RIF1: variants seen among roughly 807,000 people sequenced by gnomAD.
RIF1 encodes the protein telomere-associated protein RIF1.
A neutral mutation model predicts 247.1 loss-of-function variants in RIF1; 45 were observed. That is an observed-to-expected ratio of 0.18 (90% CI 0.14 to 0.23). The LOEUF is 0.23. Among genes scored for constraint, RIF1 ranks in the 10% least tolerant of loss-of-function variants. The probability of loss-of-function intolerance (pLI) is 1.00; values close to 1 mark genes in which losing one functional copy is unlikely to be tolerated. For missense variants in RIF1, 2,967 were observed against 2,862.5 expected, an observed-to-expected ratio of 1.04 and a Z score of -0.83; for synonymous variants, 1,087 against 978.8, an observed-to-expected ratio of 1.11 and a Z score of -2.06.
chr2:151,435,414 CTG>C (rs758446526), intron 10 of RIF1, 47 bp from the exon 11 acceptor site: 8 of 1,027,324 alleles, frequency 7.8e-6, no homozygotes, highest in Middle Eastern at 2.1e-4. Context: ...CTTTTAAAAA[CTG>C]TGACAGTTGT....
chr2:151,418,069 G>A (rs932347364), intron 6 of RIF1, among the ~76,000 whole-genome samples: 2 of 152,198 alleles, frequency 1.3e-5, no homozygotes, highest in African/African-American at 4.8e-5. Context: ...GGTTCTTTGG[G>A]TGAGTCAGTG....
intron 7 of RIF1, among the ~76,000 whole-genome samples, chr2:151,421,477 T>C (rs1210821121): frequency 6.6e-6 from 1 of 151,950 alleles, no homozygotes; most frequent in Non-Finnish European, 1.5e-5. Context: ...TGAATGAGAG[T>C]GAGAGGAAAA....
chr2:151,505,246 T>A (rs1234280771), intron 12 of RIF1, among the ~76,000 whole-genome samples: 1 of 152,204 alleles, frequency 6.6e-6, no homozygotes, highest in East Asian at 1.9e-4. Flanking sequence ...GAGCTTCAAG[T>A]CAGTGACAGG....
At position 151,490,086 on chromosome 2, in the gene RIF1, AAG is replaced by A. The variant is rs1553519312; in HGVS notation, c.*416-5142_*416-5141del. ...TTTTGCATGTTTGTAAGCTGAAAAA[AAG>A]GGGGCAAATTCTTTATAAGAAGAAA... is the stretch of plus-strand genomic sequence containing the variant. On this transcript the variant is annotated intron_variant and NMD_transcript_variant, in intron 9 of 13. Transcript: ENST00000454583. The A allele has an allele frequency of 3.1e-6, 5 of 1,590,290 alleles. No homozygotes were observed. The highest frequency in any genetic ancestry group is 4.3e-6 in the Non-Finnish European group (5 of 1,163,858).
downstream of RIF1, among the ~76,000 whole-genome samples, chr2:151,486,117 A>T (rs145806704): frequency 3.3e-5 from 5 of 152,348 alleles, no homozygotes; most frequent in African/African-American, 1.2e-4. Flanking sequence ...CATGTATCTG[A>T]TAGGCAATTA....
intron 1 of RIF1, 95 bp from the exon 2 acceptor site, chr2:151,410,319 G>A: frequency 2.2e-6 from 2 of 917,936 alleles, no homozygotes; most frequent in Non-Finnish European, 3.4e-6. Flanking sequence ...AGGCCCGGGC[G>A]GGCGTGCGGG....
the RIF1 span, chr2:151,514,709 G>GA: frequency 1.3e-4 from 106 of 804,660 alleles, no homozygotes; most frequent in Admixed American, 3.9e-4. Flanking sequence ...AACCCAATTT[G>GA]AAACCCACAG....
intron 11 of RIF1, among the ~76,000 whole-genome samples, chr2:151,500,386 T>C (rs2153044692): frequency 6.6e-6 from 1 of 151,908 alleles, no homozygotes; most frequent in Admixed American, 6.6e-5. Context: ...TAAGTGAACC[T>C]AAGGTCTTGA....
intron 34 of RIF1, among the ~76,000 whole-genome samples, chr2:151,470,076 G>A (rs936558455): frequency 1.3e-4 from 19 of 151,850 alleles, no homozygotes; most frequent in African/African-American, 3.6e-4. Flanking sequence ...CCACCATTCG[G>A]TATTTGATTC....
At chr2:151,410,548 T>G in intron 2 of RIF1, 21 bp downstream of exon 2, 2 of 1,593,234 alleles carry the variant, frequency 1.3e-6, no homozygotes, top group Non-Finnish European at 1.7e-6. Flanking sequence ...CCACGGGGCG[T>G]AGCGGAGAGT....
the RIF1 span, chr2:151,530,884 A>G: frequency 2.8e-5 from 19 of 669,598 alleles, no homozygotes; most frequent in South Asian, 2.1e-5. Flanking sequence ...TTAAGCCACT[A>G]AGTTTTAGGG....
the RIF1 span, among the ~76,000 whole-genome samples, chr2:151,518,601 C>T: frequency 7.9e-5 from 12 of 152,188 alleles, no homozygotes; most frequent in Non-Finnish European, 1.2e-4. Flanking sequence ...CAGTATTGTC[C>T]GTTAAGATGT....
At chr2:151,493,884 C>G in intron 9 of RIF1, 1 of 1,480,184 alleles carries the variant, frequency 6.8e-7, no homozygotes, top group Non-Finnish European at 9.1e-7. Context: ...GATACAAAGT[C>G]ATGCCCGAAA....
intron 34 of RIF1, among the ~76,000 whole-genome samples, chr2:151,472,235 T>A (rs141252571): frequency 0.019 from 2,825 of 152,320 alleles, 40 homozygotes; most frequent in Non-Finnish European, 0.028. Flanking sequence ...CCTGAGACTT[T>A]GCTGAAGTTG....
At chr2:151,487,217 G>A (rs1452139092) in intron 9 of RIF1, among the ~76,000 whole-genome samples, 1 of 152,152 alleles carries the variant, frequency 6.6e-6, no homozygotes, top group Non-Finnish European at 1.5e-5. Flanking sequence ...GGGAATTTGG[G>A]AGCATACGAG....
the RIF1 span, chr2:151,516,463 C>T: frequency 1.2e-6 from 2 of 1,607,882 alleles, no homozygotes; most frequent in Admixed American, 1.7e-5. Context: ...ACTTACCCCA[C>T]TCTGCATCTG....
rs1328306274 is a variant in RIF1 at position 151,411,320 on chromosome 2, G to T, written c.165G>T (p.Arg55=). The change falls in exon 3 of 36, where the codon CGG becomes CGT. Residue 55 remains arginine (R), a synonymous_variant. Coordinates refer to ENST00000444746, the MANE Select transcript of RIF1 (RefSeq NM_018151.5). ...CAGAAATTGAGAAAAAACTTCCTCG[G>T]CTGTACAAAGTTTTAAAGGTATGTA... ...VITEIEKKLP[R]LYKVLKTHIS... is the part of the protein sequence containing the mutation. 1 of 1,595,006 alleles carries T rather than the reference G, an allele frequency of 6.3e-7. No homozygotes were observed. The highest frequency in any genetic ancestry group is 2.2e-5 in the East Asian group (1 of 44,702).
In RIF1 at chr2:151,458,807, A is replaced by G. The variant is rs370754309; in HGVS notation, c.2856-4A>G. 1.0e-5 allele frequency: 16 copies of G among 1,577,300 alleles called. No homozygotes were observed. The African/African-American group carries it at 1.2e-4, about 12-fold the overall frequency. On this transcript the variant is annotated splice_region_variant and splice_polypyrimidine_tract_variant and intron_variant, in intron 24 of 35. Transcript: ENST00000444746. ...AGGTATATATTTTATGTACTTTTTT[A>G]AAGACCAGTACTAACACAAGCCAAA...
At chr2:151,495,054 CTT>C (rs1453856094) in intron 9 of RIF1, 7 of 152,252 alleles carry the variant, frequency 4.6e-5, no homozygotes, top group Admixed American at 1.3e-4. Flanking sequence ...CCCCTACCCT[CTT>C]TTTCTTTGCT....
Sources: gnomAD v4.1 joint callset for allele counts (sites outside exome capture counted in the v4.1 genomes callset) on GRCh38, gnomAD v4.1.1 for gene constraint, MANE v1.5 for transcripts, NCBI Gene and HGNC (gene_info 2026-07-23, HGNC 2026-07-21) for gene names.